KLRF1: variants seen among roughly 807,000 people sequenced by gnomAD.
KLRF1 encodes killer cell lectin-like receptor subfamily F member 1.
Under a neutral mutation model 30.7 loss-of-function variants are expected in KLRF1, and 27 were observed. The observed-to-expected ratio is 0.88, with a 90% CI of 0.65 to 1.21. The LOEUF is 1.21. Ranked by LOEUF, KLRF1 falls within the 50% of genes most tolerant of loss-of-function variation. The pLI, the probability that KLRF1 is intolerant of heterozygous loss-of-function variation, is 0.00. For synonymous variants in KLRF1, 92 were observed against 89.3 expected (o/e 1.03, Z -0.17); for missense variants, 246 against 259.3 (o/e 0.95, Z 0.35).
chr12:9,816,980 G>A, the KLRF1 span, among the ~76,000 whole-genome samples: 10 of 151,756 alleles, frequency 6.6e-5, no homozygotes, highest in African/African-American at 1.7e-4. Context: ...TGATCCGCCC[G>A]CCTCAGCCTC....
At chr12:9,815,832 T>C in the KLRF1 span, among the ~76,000 whole-genome samples, 108 of 152,320 alleles carry the variant, frequency 7.1e-4, no homozygotes, top group African/African-American at 2.4e-3. Flanking sequence ...ATTCTTCTTC[T>C]TTTGAGATGG....
chr12:9,800,275 A>G, the KLRF1 span, among the ~76,000 whole-genome samples: 1 of 152,068 alleles, frequency 6.6e-6, no homozygotes, highest in Non-Finnish European at 1.5e-5. Context: ...TTGGATTTTG[A>G]CATTTCTAAT....
the KLRF1 span, among the ~76,000 whole-genome samples, chr12:9,817,177 T>C: frequency 6.6e-6 from 1 of 152,238 alleles, no homozygotes; most frequent in Non-Finnish European, 1.5e-5. Flanking sequence ...AGGTCAATCA[T>C]GGTTAATAAC....
At chr12:9,843,353 C>T (rs550569571) in intron 5 of KLRF1, among the ~76,000 whole-genome samples, 2 of 152,088 alleles carry the variant, frequency 1.3e-5, no homozygotes, top group Non-Finnish European at 2.9e-5. Flanking sequence ...ATAAATTAGC[C>T]TTGTTTTAGG....
chr12:9,826,145 G>A (rs943935948), upstream of KLRF1, among the ~76,000 whole-genome samples: 1 of 151,998 alleles, frequency 6.6e-6, no homozygotes, highest in African/African-American at 2.4e-5. Flanking sequence ...AAATTTGGGA[G>A]TACATGTGCA....
the KLRF1 span, among the ~76,000 whole-genome samples, chr12:9,821,639 G>T: frequency 1.3e-5 from 2 of 152,130 alleles, no homozygotes; most frequent in Non-Finnish European, 2.9e-5. Context: ...GGTCCCTTCT[G>T]CTGCTGCCTC....
At chr12:9,813,507 G>T in the KLRF1 span, among the ~76,000 whole-genome samples, 3 of 151,946 alleles carry the variant, frequency 2.0e-5, no homozygotes, top group East Asian at 5.8e-4. Context: ...TTACAAGGTC[G>T]CAATTTCGAC....
At chr12:9,823,636 A>C (rs117995043), upstream of KLRF1, among the ~76,000 whole-genome samples, 2 of 152,234 alleles carry the variant, frequency 1.3e-5, no homozygotes, top group Non-Finnish European at 2.9e-5. Context: ...TATAACCAAA[A>C]TCAGAGCTGA....
At chr12:9,832,054 T>G (rs1867440410) in intron 1 of KLRF1, among the ~76,000 whole-genome samples, 1 of 152,216 alleles carries the variant, frequency 6.6e-6, no homozygotes, top group African/African-American at 2.4e-5. Context: ...AGTAAAATTC[T>G]TTCTACAAAT....
chr12:9,839,058 C>T lies in KLRF1; in HGVS notation c.335-2754C>T, dbSNP rs116132344. Among the ~76,000 whole-genome samples, 1,430 of 152,152 alleles carry T rather than the reference C, an allele frequency of 9.4e-3. 23 individuals are homozygous for T. The highest frequency in any genetic ancestry group is 0.033 in the African/African-American group (1,356 of 41,528). ...GATGAGGCCATGTGGATGGGCCTTA[C>T]TCAGTTTGGGGTGCCACAGCTAATT... On this transcript the variant is annotated intron_variant, in intron 3 of 5. Transcript: ENST00000617889.
the KLRF1 span, among the ~76,000 whole-genome samples, chr12:9,803,080 C>T: frequency 6.6e-6 from 1 of 152,104 alleles, no homozygotes; most frequent in Non-Finnish European, 1.5e-5. Context: ...GCTACAGTAA[C>T]CAAAGCAGCA....
chr12:9,844,286 G>A (rs781300296), intron 5 of KLRF1, 132 bp from the exon 6 acceptor site: 6 of 560,386 alleles, frequency 1.1e-5, no homozygotes, highest in African/African-American at 7.7e-5. Flanking sequence ...GTAATCGTTA[G>A]TGAATCCAAG....
At chr12:9,834,586 T>C (rs1185389310) in intron 3 of KLRF1, among the ~76,000 whole-genome samples, 2 of 151,938 alleles carry the variant, frequency 1.3e-5, no homozygotes, top group Admixed American at 1.3e-4. Flanking sequence ...TATAGAATGA[T>C]TGGTGATGGC....
chr12:9,829,684 A>C (rs950451741), intron 1 of KLRF1, among the ~76,000 whole-genome samples: 1 of 152,214 alleles, frequency 6.6e-6, no homozygotes, highest in Non-Finnish European at 1.5e-5. Flanking sequence ...CTCTGAGCCC[A>C]GGAGCTCAAG....
At chr12:9,843,924 A>G (rs147856203) in intron 5 of KLRF1, among the ~76,000 whole-genome samples, 17 of 152,268 alleles carry the variant, frequency 1.1e-4, no homozygotes, top group African/African-American at 4.1e-4. Context: ...TATTTTTAAT[A>G]TGTTACATTA....
At chr12:9,838,900 C>T (rs889659204) in intron 3 of KLRF1, among the ~76,000 whole-genome samples, 1 of 152,094 alleles carries the variant, frequency 6.6e-6, no homozygotes, top group Non-Finnish European at 1.5e-5. Context: ...GAATCAATCA[C>T]AATTTGCCTT....
chr12:9,829,713 G>A (rs1440984584), intron 1 of KLRF1, among the ~76,000 whole-genome samples: 1 of 152,096 alleles, frequency 6.6e-6, no homozygotes, highest in Non-Finnish European at 1.5e-5. Context: ...GAGCTCTAAT[G>A]GTGCCACTGC....
rs751078311 is a variant in KLRF1, at chr12:9,842,307, C to T, written c.475-14C>T. ...AAAATATTTTGTTCATTTAGTCCCT[C>T]GTCCACATTTTAGGCTTTTATACAG... On this transcript the variant is annotated splice_polypyrimidine_tract_variant and intron_variant, in intron 4 of 5. Transcript: ENST00000617889. The T allele has an allele frequency of 4.4e-6, 7 of 1,608,862 alleles. No individual in the cohort carries two copies. The highest frequency in any genetic ancestry group is 1.1e-5 in the South Asian group (1 of 90,196).
chr12:9,840,056 T>G (rs1457323866), intron 3 of KLRF1, among the ~76,000 whole-genome samples: 1 of 152,130 alleles, frequency 6.6e-6, no homozygotes, highest in Admixed American at 6.6e-5. Context: ...ACAACTTTTA[T>G]GAACCTTGAA....
Sources: allele counts gnomAD v4.1 joint callset (sites outside exome capture counted in the v4.1 genomes callset), GRCh38; gene constraint gnomAD v4.1.1; transcripts MANE v1.5; gene names NCBI Gene and HGNC (gene_info 2026-07-23, HGNC 2026-07-21).